Variants in CYP46A1 observed in about 807,000 individuals in gnomAD.
CYP46A1 encodes cholesterol 24-hydroxylase.
A neutral mutation model predicts 63.3 loss-of-function variants in CYP46A1; 20 were observed. The ratio of observed to expected loss-of-function variants is 0.32; its 90% CI spans 0.22 to 0.46. CYP46A1 has a LOEUF of 0.46. CYP46A1 is among the 20% of genes least tolerant of loss of function. The pLI, the probability that CYP46A1 is intolerant of heterozygous loss-of-function variation, is 1.00. For missense variants in CYP46A1, 445 were observed against 670.8 expected (o/e 0.66, Z 3.72); for synonymous variants, 268 against 273.6 (o/e 0.98, Z 0.20).
chr14:99,705,404 G>C (rs539663034), intron 5 of CYP46A1, among the ~76,000 whole-genome samples: 1 of 135,528 alleles, frequency 7.4e-6, no homozygotes, highest in East Asian at 2.1e-4. Flanking sequence ...CAGAGACGGA[G>C]TCTTGCTGTG....
At chr14:99,701,132 A>G (rs2056627243) in intron 5 of CYP46A1, among the ~76,000 whole-genome samples, 1 of 152,276 alleles carries the variant, frequency 6.6e-6, no homozygotes, top group African/African-American at 2.4e-5. Flanking sequence ...AGTCAAAAAT[A>G]TTTAAAAAAT....
At chr14:99,703,446 A>G (rs1208484070) in intron 5 of CYP46A1, among the ~76,000 whole-genome samples, 1 of 152,064 alleles carries the variant, frequency 6.6e-6, no homozygotes, top group Non-Finnish European at 1.5e-5. Flanking sequence ...ATGGCTTCCT[A>G]TCATCTGAGA....
intron 1 of CYP46A1, among the ~76,000 whole-genome samples, chr14:99,690,376 A>G (rs747969857): frequency 1.3e-5 from 2 of 151,926 alleles, no homozygotes; most frequent in Non-Finnish European, 2.9e-5. Flanking sequence ...TTTTTCTCCT[A>G]TCACCCTCTG....
intron 10 of CYP46A1, among the ~76,000 whole-genome samples, chr14:99,718,938 G>A (rs1261681146): frequency 6.6e-6 from 1 of 151,468 alleles, no homozygotes; most frequent in East Asian, 1.9e-4. Context: ...CCCACCCAGC[G>A]GCACTTCGCT....
chr14:99,726,361 T>C (rs1250073757), intron 14 of CYP46A1, 105 bp downstream of exon 14: 1 of 1,344,864 alleles, frequency 7.4e-7, no homozygotes, highest in Non-Finnish European at 1.0e-6. Flanking sequence ...GCTGCTGGGC[T>C]GTGGGCTCGG....
chr14:99,719,045 C>T (rs893728847), intron 10 of CYP46A1, among the ~76,000 whole-genome samples: 5 of 152,072 alleles, frequency 3.3e-5, no homozygotes, highest in Non-Finnish European at 7.4e-5. Flanking sequence ...CTTTTATTCC[C>T]CATGAGCCTT....
intron 5 of CYP46A1, among the ~76,000 whole-genome samples, chr14:99,705,699 G>C (rs1033185294): frequency 6.6e-6 from 1 of 152,180 alleles, no homozygotes; most frequent in Non-Finnish European, 1.5e-5. Flanking sequence ...GGCCAAGGTG[G>C]GTGGATCATG....
At chr14:99,696,869 A>G (rs1595188257) in intron 3 of CYP46A1, among the ~76,000 whole-genome samples, 1 of 152,228 alleles carries the variant, frequency 6.6e-6, no homozygotes, top group African/African-American at 2.4e-5. Flanking sequence ...TCATTCTGAG[A>G]TGATAAAGTT....
At chr14:99,695,036 T>G (rs1447294970) in intron 3 of CYP46A1, among the ~76,000 whole-genome samples, 4 of 152,256 alleles carry the variant, frequency 2.6e-5, no homozygotes, top group African/African-American at 4.8e-5. Flanking sequence ...TTGTGATTTA[T>G]TCTTTGAACC....
intron 7 of CYP46A1, chr14:99,713,334 G>A (rs75107773): frequency 0.13 from 19,335 of 151,972 alleles, 1,411 homozygotes; most frequent in Middle Eastern, 0.18. Context: ...GGAGGCTGAG[G>A]CAGGAGAATC....
rs1049890803 is a variant in CYP46A1, at chr14:99,691,466, A to G, written c.200+305A>G. 1.1e-5 allele frequency: 6 copies of G among 567,522 alleles called. No individual in the cohort carries two copies. In the East Asian group the frequency reaches 1.2e-4, roughly 11 times the overall value. 35.2% of individuals were successfully genotyped at this position (567,522 alleles called of 1,614,324 possible). ...ATTGTTTGGTGTGTCACTTTTTTACATTTTTCAAAGTACTTTCAAAGATGC... is the reference window on the plus strand; with the variant it reads ...ATTGTTTGGTGTGTCACTTTTTTACGTTTTTCAAAGTACTTTCAAAGATGC... On this transcript the variant is annotated intron_variant, in intron 2 of 14. Transcript: ENST00000261835.
chr14:99,706,518 G>C (rs990163197), intron 5 of CYP46A1, 129 bp from the exon 6 acceptor site: 2 of 1,240,050 alleles, frequency 1.6e-6, no homozygotes, highest in Non-Finnish European at 2.3e-6. Context: ...TCAAGGGGAG[G>C]CCAGAAAGAC....
At chr14:99,718,018 C>G (rs765537286) in intron 9 of CYP46A1, 36 bp from the exon 10 acceptor site, 3 of 1,561,380 alleles carry the variant, frequency 1.9e-6, no homozygotes, top group Non-Finnish European at 2.6e-6. Context: ...ATCCTGTGGC[C>G]CCATGTGGAG....
Position 99,727,134 on chromosome 14 carries a change from C to T in CYP46A1, c.*407C>T, listed in dbSNP as rs2056911743. ...CCTCGGTCACCTGTGCTACCTCTAA[C>T]ACCACACTGACCACACTGTATCGTG... On this transcript the variant is annotated 3_prime_UTR_variant, in exon 15 of 15. Coordinates refer to ENST00000261835, the MANE Select transcript of CYP46A1 (RefSeq NM_006668.2). 1.0e-5 allele frequency: 2 copies of T among 195,258 alleles called. No individual in the cohort carries two copies. Among genetic ancestry groups the T allele is most frequent in the Non-Finnish European group, 1.0e-5 (1 of 95,938 alleles). The allele number at this position is 195,258 out of a possible 1,614,324, so 12.1% of individuals were successfully genotyped here. A position where few individuals can be genotyped will look rare whatever the true frequency, so the allele number is the denominator to read the frequency against.
chr14:99,700,147 G>C (rs1326252865), intron 5 of CYP46A1, 46 bp downstream of exon 5: 34 of 1,510,520 alleles, frequency 2.3e-5, no homozygotes, highest in Non-Finnish European at 2.9e-5. Context: ...GCCAGAGGCA[G>C]TAGGGGCTGC....
intron 1 of CYP46A1, among the ~76,000 whole-genome samples, chr14:99,686,462 C>T (rs891467518): frequency 2.0e-5 from 3 of 152,158 alleles, no homozygotes; most frequent in Non-Finnish European, 2.9e-5. Flanking sequence ...TGTTTTGTCA[C>T]CCCAGAAAGA....
chr14:99,689,530 G>A (rs1456892654), intron 1 of CYP46A1, among the ~76,000 whole-genome samples: 1 of 152,132 alleles, frequency 6.6e-6, no homozygotes, highest in Non-Finnish European at 1.5e-5. Flanking sequence ...GCCAGAGACG[G>A]CCCTGGCAAA....
At chr14:99,720,098 T>C (rs1194221420) in intron 10 of CYP46A1, among the ~76,000 whole-genome samples, 2 of 152,144 alleles carry the variant, frequency 1.3e-5, no homozygotes, top group African/African-American at 4.8e-5. Context: ...TAATGTTCCA[T>C]TGTAAGCATC....
At chr14:99,694,675 T>A (rs2056572868) in intron 3 of CYP46A1, among the ~76,000 whole-genome samples, 1 of 152,040 alleles carries the variant, frequency 6.6e-6, no homozygotes, top group Non-Finnish European at 1.5e-5. Context: ...AAATTTTTAT[T>A]TTTTTGGTAG....
Sources: allele counts gnomAD v4.1 joint callset (sites outside exome capture counted in the v4.1 genomes callset), GRCh38; gene constraint gnomAD v4.1.1; transcripts MANE v1.5; gene names NCBI Gene and HGNC (gene_info 2026-07-23, HGNC 2026-07-21).